The following LRRC7 variants were observed in gnomAD, a reference collection of about 807,000 sequenced individuals.
LRRC7 encodes the protein leucine rich repeat containing 7.
Under a neutral mutation model 175.7 loss-of-function variants are expected in LRRC7, and 23 were observed. That is an observed-to-expected ratio of 0.13 (90% CI 0.09 to 0.19). The LOEUF (loss-of-function observed/expected upper bound fraction) is 0.19, where lower values mean the gene tolerates loss of function less well. LRRC7 is among the 10% of genes least tolerant of loss of function. The pLI, the probability that LRRC7 is intolerant of heterozygous loss-of-function variation, is 1.00. For missense variants in LRRC7, 1,354 were observed against 1,904.7 expected, an observed-to-expected ratio of 0.71 and a Z score of 5.38; for synonymous variants, 685 against 680.9, an observed-to-expected ratio of 1.01 and a Z score of -0.09.
At chr1:69,641,185 C>G (rs1654149510) in intron 1 of LRRC7, among the ~76,000 whole-genome samples, 1 of 151,580 alleles carries the variant, frequency 6.6e-6, no homozygotes, top group Non-Finnish European at 1.5e-5. Context: ...CAACAGTACT[C>G]AAAACAATTT....
chr1:69,717,471 C>T (rs1305302383), intron 2 of LRRC7, among the ~76,000 whole-genome samples: 1 of 151,594 alleles, frequency 6.6e-6, no homozygotes, highest in Non-Finnish European at 1.5e-5. Context: ...TAAGCAAGGA[C>T]TCAATAGAGA....
At chr1:69,693,585 C>G (rs1662178648) in intron 2 of LRRC7, among the ~76,000 whole-genome samples, 1 of 150,986 alleles carries the variant, frequency 6.6e-6, no homozygotes, top group South Asian at 2.1e-4. Flanking sequence ...AGATGAGACC[C>G]ACTCACATTA....
intron 13 of LRRC7, among the ~76,000 whole-genome samples, chr1:70,015,021 C>T (rs973281717): frequency 6.6e-6 from 1 of 151,916 alleles, no homozygotes; most frequent in African/African-American, 2.4e-5. Context: ...TTAATATACC[C>T]CATACGTTGT....
intron 1 of LRRC7, among the ~76,000 whole-genome samples, chr1:69,632,024 C>T (rs1652590436): frequency 6.6e-6 from 1 of 152,044 alleles, no homozygotes; most frequent in Non-Finnish European, 1.5e-5. Context: ...CCAATACAGC[C>T]TCTTTTTAAA....
At chr1:69,929,542 A>G (rs949549948) in intron 7 of LRRC7, among the ~76,000 whole-genome samples, 9 of 152,108 alleles carry the variant, frequency 5.9e-5, no homozygotes, top group African/African-American at 1.7e-4. Context: ...ACCCTACCAC[A>G]TCTCAGCACC....
chr1:69,969,265 G>A (rs1335330845), intron 8 of LRRC7, among the ~76,000 whole-genome samples: 1 of 152,138 alleles, frequency 6.6e-6, no homozygotes, highest in Non-Finnish European at 1.5e-5. Flanking sequence ...GATTAATGGA[G>A]TGGTACCTCA....
intron 2 of LRRC7, among the ~76,000 whole-genome samples, chr1:69,718,048 G>A (rs7418593): frequency 7.1e-6 from 1 of 141,414 alleles, no homozygotes; most frequent in East Asian, 2.1e-4. Context: ...AGGAGAGGGA[G>A]AAAGAAATGA....
At chr1:69,920,774 A>G (rs1262288849) in intron 7 of LRRC7, among the ~76,000 whole-genome samples, 1 of 152,174 alleles carries the variant, frequency 6.6e-6, no homozygotes, top group South Asian at 2.1e-4. Flanking sequence ...GTGACCTACT[A>G]TTCCTATGAG....
chr1:69,778,061 C>T (rs1170613129), intron 3 of LRRC7, among the ~76,000 whole-genome samples: 2 of 152,152 alleles, frequency 1.3e-5, no homozygotes, highest in Non-Finnish European at 2.9e-5. Context: ...AGGAAGTGTT[C>T]CTGAAACACA....
intron 5 of LRRC7, among the ~76,000 whole-genome samples, chr1:69,833,941 G>A (rs1227358828): frequency 1.3e-5 from 2 of 151,928 alleles, no homozygotes; most frequent in African/African-American, 4.8e-5. Context: ...AGACTATTTA[G>A]GAGTATTTTA....
In LRRC7 at chr1:70,046,741, C is replaced by T. The variant is rs566128584; in HGVS notation, c.4110+2647C>T. ...ATAATAGCTCTGGGTTCTGCTTCCT[C>T]CCACGAATTCCAGTCTAAGCTTCTG... On this transcript the variant is annotated intron_variant, in intron 22 of 26. Coordinates refer to ENST00000651989, the MANE Select transcript of LRRC7 (RefSeq NM_001370785.2). Among the ~76,000 whole-genome samples, 16 of 152,248 alleles carry T rather than the reference C, an allele frequency of 1.1e-4. No individual in the cohort carries two copies. The South Asian group carries it at 3.3e-3, about 32-fold the overall frequency.
intron 25 of LRRC7, among the ~76,000 whole-genome samples, 158 bp from the exon 26 acceptor site, chr1:70,107,594 G>T (rs953223830): frequency 2.6e-5 from 4 of 152,166 alleles, no homozygotes; most frequent in African/African-American, 9.7e-5. Flanking sequence ...GACTTGGAGA[G>T]TGCTGCCTTG....
intron 7 of LRRC7, among the ~76,000 whole-genome samples, chr1:69,868,375 G>A (rs1236534860): frequency 6.6e-6 from 1 of 151,882 alleles, no homozygotes; most frequent in Non-Finnish European, 1.5e-5. Context: ...TTTTCTATGT[G>A]CATTTCTTAA....
chr1:69,968,974 A>G (rs1273273803), intron 8 of LRRC7, among the ~76,000 whole-genome samples: 1 of 151,928 alleles, frequency 6.6e-6, no homozygotes, highest in Non-Finnish European at 1.5e-5. Context: ...GCCCGCCACC[A>G]CACCTGGCTG....
intron 9 of LRRC7, among the ~76,000 whole-genome samples, chr1:69,985,923 A>G (rs1002582833): frequency 6.6e-6 from 1 of 152,182 alleles, no homozygotes; most frequent in Non-Finnish European, 1.5e-5. Flanking sequence ...GACATTGTGA[A>G]TAATGCATCT....
chr1:69,865,494 TGAAACGG>T (rs1369722275), intron 7 of LRRC7, among the ~76,000 whole-genome samples: 1 of 130,300 alleles, frequency 7.7e-6, no homozygotes, highest in Non-Finnish European at 1.6e-5. Flanking sequence ...TTTTTTTTTT[TGAAACGG>T]AGTCCCGCTC....
chr1:70,089,299 A>T (rs1354800141), intron 24 of LRRC7, among the ~76,000 whole-genome samples: 1 of 152,222 alleles, frequency 6.6e-6, no homozygotes, highest in Non-Finnish European at 1.5e-5. Flanking sequence ...TTATTTAAAT[A>T]GCCATATTTT....
chr1:69,689,937 T>A (rs1661627623), intron 2 of LRRC7, among the ~76,000 whole-genome samples: 2 of 152,212 alleles, frequency 1.3e-5, no homozygotes, highest in African/African-American at 4.8e-5. Context: ...TTACATCAAA[T>A]TAGATTCACA....
intron 8 of LRRC7, among the ~76,000 whole-genome samples, chr1:69,957,554 A>C (rs111588281): frequency 1.0e-3 from 157 of 151,932 alleles, no homozygotes; most frequent in African/African-American, 3.7e-3. Flanking sequence ...TTTAGTAGAG[A>C]GTGAATGCTC....
Sources: allele counts gnomAD v4.1 joint callset (sites outside exome capture counted in the v4.1 genomes callset), GRCh38; gene constraint gnomAD v4.1.1; transcripts MANE v1.5; gene names NCBI Gene and HGNC (gene_info 2026-07-23, HGNC 2026-07-21).